The following TAF4B variants were observed in gnomAD, a reference collection of about 807,000 sequenced individuals.
TAF4B encodes the protein transcription initiation factor TFIID subunit 4B.
In TAF4B, 38 loss-of-function variants were observed where a neutral mutation model predicts 86.4. The ratio of observed to expected loss-of-function variants is 0.44; its 90% CI spans 0.34 to 0.58. The LOEUF is 0.58. Ranked by LOEUF, TAF4B falls within the 20% of genes least tolerant of loss-of-function variation. TAF4B has a pLI of 0.02. For synonymous variants in TAF4B, 388 were observed against 391.2 expected, an observed-to-expected ratio of 0.99 and a Z score of 0.10; for missense variants, 988 against 1,027.6, an observed-to-expected ratio of 0.96 and a Z score of 0.53.
chr18:26,240,402 T>C (rs183134447), intron 1 of TAF4B, among the ~76,000 whole-genome samples: 6 of 152,236 alleles, frequency 3.9e-5, no homozygotes, highest in Non-Finnish European at 7.3e-5. Context: ...TATTGGTGTA[T>C]AGGAATGCTT....
Position 26,306,200 on chromosome 18 carries a change from G to A in TAF4B, c.1833-9029G>A, listed in dbSNP as rs12327506. Among the ~76,000 whole-genome samples the A allele has an allele frequency of 9.5e-4, 145 of 152,020 alleles. 1 individual carries two copies. The highest frequency in any genetic ancestry group is 3.3e-3 in the African/African-American group (137 of 41,466). On this transcript the variant is annotated intron_variant, in intron 9 of 14. Coordinates refer to ENST00000269142, the MANE Select transcript of TAF4B (RefSeq NM_005640.3). ...ATGTTTTTAATGTTTAATTTTGGGGGGTACATAGGCGTATATTTATGGGTT... is the reference window on the plus strand; with the variant it reads ...ATGTTTTTAATGTTTAATTTTGGGGAGTACATAGGCGTATATTTATGGGTT...
In TAF4B at chr18:26,319,311, G is replaced by A. The variant is rs547394956; in HGVS notation, c.2003-1759G>A. ...GTTTGAGACTAGCCTGGCCAACATG[G>A]TGAAACGCCATCTCTACTAAAAATA... On this transcript the variant is annotated intron_variant, in intron 10 of 14. Coordinates refer to ENST00000269142, the MANE Select transcript of TAF4B (RefSeq NM_005640.3). Among the ~76,000 whole-genome samples the A allele has an allele frequency of 1.4e-3, 216 of 152,084 alleles. 1 individual carries two copies. Among genetic ancestry groups the A allele is most frequent in the Middle Eastern group, 6.8e-3 (2 of 294 alleles).
chr18:26,359,610 A>G (rs1181958622), intron 14 of TAF4B, among the ~76,000 whole-genome samples: 1 of 152,036 alleles, frequency 6.6e-6, no homozygotes, highest in African/African-American at 2.4e-5. Flanking sequence ...TAGCTTGACC[A>G]ATTTCTCTCA....
Position 26,282,066 on chromosome 18 carries a change from G to A in TAF4B, c.972+6G>A. The A allele has an allele frequency of 6.3e-7, 1 of 1,594,354 alleles. No individual in the cohort carries two copies. The highest frequency in any genetic ancestry group is 8.6e-7 in the Non-Finnish European group (1 of 1,165,310). On this transcript the variant is annotated splice_donor_region_variant and intron_variant, in intron 6 of 14. Coordinates refer to ENST00000269142, the MANE Select transcript of TAF4B (RefSeq NM_005640.3). ...ACCTGGTTCCTTTTCTTAAGGTAGA[G>A]TTATGTGTCACTTAGAAGAAATAAT...
chr18:26,362,023 G>T (rs2057336824), intron 14 of TAF4B, among the ~76,000 whole-genome samples: 1 of 152,040 alleles, frequency 6.6e-6, no homozygotes, highest in Non-Finnish European at 1.5e-5. Context: ...TGTGTTATAG[G>T]CATGTCTAAG....
chr18:26,357,382 T>C (rs2057296000), intron 13 of TAF4B, among the ~76,000 whole-genome samples: 2 of 152,202 alleles, frequency 1.3e-5, no homozygotes, highest in African/African-American at 4.8e-5. Flanking sequence ...GACTTACTGT[T>C]CAACTTAATC....
At chr18:26,285,238 G>T (rs2056505253) in intron 6 of TAF4B, among the ~76,000 whole-genome samples, 2 of 10,606 alleles carry the variant, frequency 1.9e-4, no homozygotes, top group Non-Finnish European at 8.2e-3. Flanking sequence ...TTTTTTTTTG[G>T]AGATGGGGTC....
chr18:26,286,779 G>C (rs1263849421), intron 7 of TAF4B, among the ~76,000 whole-genome samples: 2 of 152,054 alleles, frequency 1.3e-5, no homozygotes, highest in Non-Finnish European at 2.9e-5. Flanking sequence ...CACCTCCCAG[G>C]TTCAAGCATT....
intron 7 of TAF4B, among the ~76,000 whole-genome samples, chr18:26,286,898 A>G (rs2056530953): frequency 6.6e-6 from 1 of 152,050 alleles, no homozygotes; most frequent in Non-Finnish European, 1.5e-5. Context: ...TGGCCAGGCT[A>G]GTCTTGAACT....
intron 1 of TAF4B, among the ~76,000 whole-genome samples, chr18:26,227,921 C>G (rs1301391879): frequency 1.3e-5 from 2 of 152,344 alleles, no homozygotes; most frequent in East Asian, 3.9e-4. Flanking sequence ...AATGCTGTTC[C>G]TGCACAATCT....
chr18:26,293,619 A>G, intron 9 of TAF4B, 88 bp downstream of exon 9: 3 of 730,220 alleles, frequency 4.1e-6, no homozygotes, highest in Non-Finnish European at 6.5e-6. Flanking sequence ...ACTAAAATAG[A>G]TATACTGATG....
intron 13 of TAF4B, among the ~76,000 whole-genome samples, chr18:26,345,956 A>C (rs1353322675): frequency 6.6e-6 from 1 of 152,198 alleles, no homozygotes; most frequent in Non-Finnish European, 1.5e-5. Flanking sequence ...TGAATAGAGA[A>C]AATTTTATTT....
chr18:26,250,356 G>A (rs2055987278), intron 1 of TAF4B, among the ~76,000 whole-genome samples: 1 of 152,064 alleles, frequency 6.6e-6, no homozygotes, highest in Admixed American at 6.6e-5. Context: ...AATTAGCCAG[G>A]CATGGTAGCA....
rs746323171 is a variant in TAF4B at position 26,267,580 on chromosome 18, G to T, written c.554G>T (p.Gly185Val). ...CCTGTTAAAAAATTGGCACAAATAGGAACTACTGTGGTAACCACTGTTCCG... is the reference window on the plus strand; with the variant it reads ...CCTGTTAAAAAATTGGCACAAATAGTAACTACTGTGGTAACCACTGTTCCG... ...VTPVKKLAQI[G>V]TTVVTTVPKP... The change falls in exon 3 of 15, where the codon GGA (glycine) becomes GTA (valine). Residue 185 changes from glycine to valine, a missense_variant. Physicochemically the swap from Gly to Val is moderately radical, Grantham distance 109 (BLOSUM62 -3). This residue lies in a region of TAF4B where 747 missense variants were observed against 737.9 expected (regional missense o/e 1.01). Transcript: ENST00000269142. 1 of 1,614,114 alleles carries T rather than the reference G, an allele frequency of 6.2e-7. No individual in the cohort carries two copies. Among genetic ancestry groups the T allele is most frequent in the East Asian group, 2.2e-5 (1 of 44,878 alleles).
chr18:26,249,888 A>G (rs1464420093), intron 1 of TAF4B, among the ~76,000 whole-genome samples: 1 of 152,074 alleles, frequency 6.6e-6, no homozygotes, highest in Non-Finnish European at 1.5e-5. Flanking sequence ...ATGCCCGGCT[A>G]ATTTTTGAAT....
At chr18:26,318,734 A>G (rs1454276496) in intron 10 of TAF4B, among the ~76,000 whole-genome samples, 1 of 152,190 alleles carries the variant, frequency 6.6e-6, no homozygotes, top group East Asian at 1.9e-4. Flanking sequence ...GTAATTTTTA[A>G]GTTGTATTTT....
intron 9 of TAF4B, among the ~76,000 whole-genome samples, chr18:26,302,996 T>C (rs1259570982): frequency 6.6e-6 from 1 of 152,146 alleles, no homozygotes; most frequent in Non-Finnish European, 1.5e-5. Context: ...TTATATTTGG[T>C]AATGCATATT....
intron 1 of TAF4B, among the ~76,000 whole-genome samples, chr18:26,251,410 A>T (rs1275588229): frequency 4.6e-5 from 7 of 152,156 alleles, no homozygotes; most frequent in Non-Finnish European, 1.0e-4. Context: ...AATGCTGTGA[A>T]TGTGGAGAAG....
chr18:26,240,909 C>T (rs529453336), intron 1 of TAF4B, among the ~76,000 whole-genome samples: 3 of 152,268 alleles, frequency 2.0e-5, no homozygotes, highest in Non-Finnish European at 4.4e-5. Context: ...ATATGTTGAA[C>T]CAGCCTTGCA....
Sources: gnomAD v4.1 joint callset for allele counts (sites outside exome capture counted in the v4.1 genomes callset) on GRCh38, gnomAD v4.1.1 for gene constraint, gnomAD v4.1.1 regional missense constraint, MANE v1.5 for transcripts, NCBI Gene and HGNC (gene_info 2026-07-23, HGNC 2026-07-21) for gene names.